CEP128: variants seen among roughly 807,000 people sequenced by gnomAD.
CEP128 encodes centrosomal protein 128kDa.
In CEP128, 132 loss-of-function variants were observed where a neutral mutation model predicts 156.7. The observed-to-expected ratio is 0.84, with a 90% CI of 0.73 to 0.97. The LOEUF (loss-of-function observed/expected upper bound fraction) is 0.97, where lower values mean the gene tolerates loss of function less well. Ranked by LOEUF, CEP128 falls within the 50% of genes least tolerant of loss-of-function variation. The pLI, the probability that CEP128 is intolerant of heterozygous loss-of-function variation, is 0.00. For missense variants in CEP128, 1,252 were observed against 1,281.9 expected (o/e 0.98, Z 0.36); for synonymous variants, 469 against 448.9 (o/e 1.04, Z -0.57).
chr14:80,551,292 C>G (rs958009801), intron 21 of CEP128, among the ~76,000 whole-genome samples: 1 of 152,154 alleles, frequency 6.6e-6, no homozygotes, highest in Non-Finnish European at 1.5e-5. Context: ...AACTGTTTTT[C>G]TTTTGTTTAA....
chr14:80,722,804 C>G (rs890838535), intron 19 of CEP128, among the ~76,000 whole-genome samples: 1 of 148,414 alleles, frequency 6.7e-6, no homozygotes, highest in Non-Finnish European at 1.5e-5. Context: ...CATCTGGTAG[C>G]AGAGGTTACT....
intron 8 of CEP128, among the ~76,000 whole-genome samples, chr14:80,876,425 A>G (rs999590437): frequency 1.3e-5 from 2 of 151,938 alleles, no homozygotes; most frequent in Non-Finnish European, 2.9e-5. Context: ...ATGAAACCCC[A>G]TCTCTACTAA....
At position 80,904,863 on chromosome 14, in the gene CEP128, T is replaced by C. The variant is rs202171023; in HGVS notation, c.430A>G (p.Arg144Gly). ...ACAAACCGGACACCAGTTCTTGATC[T>C]CATTCGTTTAATACCCTGTGGATCC... ...YGDPQGIKRM[R>G]SRTGVRFVQE... The change falls in exon 6 of 25, where the codon AGA becomes GGA. Residue 144 changes from arginine (R) to glycine (G), a missense_variant. Coordinates refer to ENST00000555265, the MANE Select transcript of CEP128 (RefSeq NM_152446.5). 77 of 1,612,418 alleles carry C rather than the reference T, an allele frequency of 4.8e-5. 1 individual carries two copies. The highest frequency in any genetic ancestry group is 4.6e-5 in the Non-Finnish European group (54 of 1,178,598).
At chr14:80,793,822 A>G (rs1283013853) in intron 13 of CEP128, among the ~76,000 whole-genome samples, 5 of 152,188 alleles carry the variant, frequency 3.3e-5, no homozygotes, top group Non-Finnish European at 5.9e-5. Flanking sequence ...ATTACACTAA[A>G]TCATCATGAT....
chr14:80,757,325 A>G (rs1236900567), intron 17 of CEP128, among the ~76,000 whole-genome samples: 1 of 152,174 alleles, frequency 6.6e-6, no homozygotes, highest in Non-Finnish European at 1.5e-5. Flanking sequence ...AATGTACTTC[A>G]AAGAGGGTTA....
intron 19 of CEP128, among the ~76,000 whole-genome samples, chr14:80,671,889 G>A (rs929283100): frequency 6.6e-6 from 1 of 150,922 alleles, no homozygotes; most frequent in Non-Finnish European, 1.5e-5. Context: ...GGGGTAGTGG[G>A]GAACGTAGAG....
intron 19 of CEP128, among the ~76,000 whole-genome samples, chr14:80,733,248 C>T (rs1339792917): frequency 1.3e-5 from 2 of 152,020 alleles, no homozygotes; most frequent in Non-Finnish European, 2.9e-5. Flanking sequence ...TAGCACTGGA[C>T]TAAGACTGGA....
intron 19 of CEP128, among the ~76,000 whole-genome samples, chr14:80,595,821 CA>C (rs1187752098): frequency 1.3e-5 from 2 of 152,154 alleles, no homozygotes; most frequent in South Asian, 2.1e-4. Context: ...CAAGGAGGAG[CA>C]AAGTCACGTC....
intron 7 of CEP128, among the ~76,000 whole-genome samples, chr14:80,896,081 A>G (rs2139398680): frequency 6.6e-6 from 1 of 152,262 alleles, no homozygotes; most frequent in South Asian, 2.1e-4. Context: ...AAACTTTGAG[A>G]ACCGCTGCTA....
intron 19 of CEP128, among the ~76,000 whole-genome samples, chr14:80,677,508 C>CAAAAAAT (rs774105640): frequency 2.1e-5 from 2 of 94,062 alleles, no homozygotes; most frequent in African/African-American, 7.1e-5. Flanking sequence ...GACTCCGTCT[C>CAAAAAAT]AAAAAAAAAA....
intron 19 of CEP128, among the ~76,000 whole-genome samples, chr14:80,697,537 A>G (rs1896930480): frequency 1.3e-5 from 2 of 152,094 alleles, no homozygotes; most frequent in African/African-American, 4.8e-5. Context: ...AATTGATTTT[A>G]TTCTTAAAAT....
downstream of CEP128, among the ~76,000 whole-genome samples, chr14:80,496,045 T>C (rs1016025702): frequency 1.3e-5 from 2 of 152,194 alleles, no homozygotes; most frequent in South Asian, 2.1e-4. Context: ...TTCCTGAAGT[T>C]AGACAGAAGA....
intron 23 of CEP128, among the ~76,000 whole-genome samples, chr14:80,511,113 C>A (rs1032095839): frequency 1.3e-5 from 2 of 148,478 alleles, no homozygotes; most frequent in Non-Finnish European, 3.0e-5. Flanking sequence ...CAGGGTAATA[C>A]TGGCCTCATA....
In CEP128 at chr14:80,778,048, T is replaced by A. The variant is rs746925368; in HGVS notation, c.2212-2A>T. 3 of 1,609,830 alleles carry A rather than the reference T, an allele frequency of 1.9e-6. No homozygotes were observed. Among genetic ancestry groups the A allele is most frequent in the Non-Finnish European group, 2.5e-6 (3 of 1,179,104 alleles). ...ATTCTTCTCTTCTAAACTTTCAGCC[T>A]GAGAAAAAGAGAAGGAAAAAACAGA... On this transcript the variant is annotated splice_acceptor_variant, in intron 15 of 24. Transcript: ENST00000555265. LOFTEE classifies it high-confidence loss of function.
At chr14:80,931,483 ACAT>A (rs1419973935) in intron 2 of CEP128, among the ~76,000 whole-genome samples, 11 of 152,364 alleles carry the variant, frequency 7.2e-5, no homozygotes, top group African/African-American at 2.6e-4. Flanking sequence ...CAGAGCACAC[ACAT>A]CATCTCTTAT....
chr14:80,838,837 C>G (rs1437307130), intron 10 of CEP128, among the ~76,000 whole-genome samples: 2 of 152,118 alleles, frequency 1.3e-5, no homozygotes, highest in African/African-American at 4.8e-5. Context: ...TTTAAAATTT[C>G]CTTAATGATA....
intron 13 of CEP128, among the ~76,000 whole-genome samples, chr14:80,799,068 C>G (rs1018582426): frequency 6.6e-6 from 1 of 152,168 alleles, no homozygotes; most frequent in African/African-American, 2.4e-5. Context: ...TCTAGGAAGA[C>G]AGTGGCATAT....
At chr14:80,826,422 C>G (rs978442968) in intron 13 of CEP128, among the ~76,000 whole-genome samples, 7 of 151,958 alleles carry the variant, frequency 4.6e-5, no homozygotes, top group East Asian at 1.9e-4. Flanking sequence ...AAATTACAAC[C>G]AGCATAATTA....
intron 18 of CEP128, among the ~76,000 whole-genome samples, chr14:80,746,121 G>A (rs1899086507): frequency 6.6e-6 from 1 of 152,028 alleles, no homozygotes; most frequent in African/African-American, 2.4e-5. Context: ...CTACGTAAAT[G>A]GATTGAAAGC....
Sources: allele counts gnomAD v4.1 joint callset (sites outside exome capture counted in the v4.1 genomes callset), GRCh38; gene constraint gnomAD v4.1.1; transcripts MANE v1.5; gene names NCBI Gene and HGNC (gene_info 2026-07-23, HGNC 2026-07-21).